CADM2: variants seen among roughly 807,000 people sequenced by gnomAD.
The protein encoded by CADM2 is immunoglobulin superfamily member 4D.
A neutral mutation model predicts 49.8 loss-of-function variants in CADM2; 12 were observed. The ratio of observed to expected loss-of-function variants is 0.24; its 90% CI spans 0.15 to 0.39. The LOEUF (loss-of-function observed/expected upper bound fraction) is 0.39. Among genes scored for constraint, CADM2 ranks in the 10% least tolerant of loss-of-function variants. CADM2 has a pLI of 1.00. For synonymous variants in CADM2, 214 were observed against 175.4 expected, an observed-to-expected ratio of 1.22 and a Z score of -1.74; for missense variants, 378 against 492.3, an observed-to-expected ratio of 0.77 and a Z score of 2.20.
intron 1 of CADM2, among the ~76,000 whole-genome samples, chr3:85,383,612 C>A (rs2034039088): frequency 6.7e-6 from 1 of 148,346 alleles, no homozygotes; most frequent in African/African-American, 2.5e-5. Context: ...ATTCAATTAT[C>A]CTCATTTTTC....
In CADM2 at chr3:85,040,121, C is replaced by T. The variant is rs6549010; in HGVS notation, c.61+80453C>T. ...ATAAACCTAAAAGGAAGAGAACACT[C>T]TGTGCAAAGATTTTGAAAAATATGA... On this transcript the variant is annotated intron_variant, in intron 1 of 9. Transcript: ENST00000383699. Among the ~76,000 whole-genome samples, 689 of 152,230 alleles carry T rather than the reference C, an allele frequency of 4.5e-3. 4 individuals carry two copies. Among genetic ancestry groups the T allele is most frequent in the African/African-American group, 0.016 (663 of 41,544 alleles).
intron 1 of CADM2, among the ~76,000 whole-genome samples, chr3:85,123,229 T>A (rs2038924032): frequency 6.6e-6 from 1 of 152,118 alleles, no homozygotes; most frequent in East Asian, 1.9e-4. Context: ...GTCAACAACT[T>A]CATAGTGACA....
intron 8 of CADM2, among the ~76,000 whole-genome samples, chr3:86,024,582 A>G (rs886770668): frequency 1.3e-5 from 2 of 152,230 alleles, no homozygotes; most frequent in African/African-American, 2.4e-5. Flanking sequence ...TGCCATTAAT[A>G]CATTGAATCC....
At chr3:85,505,553 G>A (rs980355539) in intron 1 of CADM2, among the ~76,000 whole-genome samples, 1 of 152,134 alleles carries the variant, frequency 6.6e-6, no homozygotes, top group African/African-American at 2.4e-5. Context: ...CCAAACACTT[G>A]GTGTGGGATA....
chr3:85,613,035 T>C (rs1034256524), intron 1 of CADM2, among the ~76,000 whole-genome samples: 1 of 151,768 alleles, frequency 6.6e-6, no homozygotes, highest in Admixed American at 6.6e-5. Context: ...AGGTTGGTTG[T>C]GGCTTAATGA....
intron 1 of CADM2, among the ~76,000 whole-genome samples, chr3:85,714,340 C>CTACT (rs2067213210): frequency 6.6e-6 from 1 of 152,172 alleles, no homozygotes; most frequent in Admixed American, 6.5e-5. Context: ...ACATCACTCT[C>CTACT]TACTTAGTAA....
rs140812246 is a variant in CADM2 at position 86,041,460 on chromosome 3, C to T, written c.971-24145C>T. On this transcript the variant is annotated intron_variant, in intron 8 of 9. Transcript: ENST00000383699. ...GTCTCTGATAAAACAGACTTTAAAC[C>T]GACAAAGATCAAAAGAGACAAAGAA... Among the ~76,000 whole-genome samples, 1,106 of 152,094 alleles carry T rather than the reference C, an allele frequency of 7.3e-3. 11 individuals carry two copies. The highest frequency in any genetic ancestry group is 0.025 in the African/African-American group (1,042 of 41,464).
chr3:85,358,203 C>T (rs1004677331), intron 1 of CADM2, among the ~76,000 whole-genome samples: 3 of 152,076 alleles, frequency 2.0e-5, no homozygotes, highest in Admixed American at 6.6e-5. Context: ...TCTTGTCCCC[C>T]AGTTGTCACA....
intron 1 of CADM2, 27 bp from the exon 2 acceptor site, chr3:85,726,495 T>C (rs1229527654): frequency 1.2e-6 from 2 of 1,611,834 alleles, no homozygotes; most frequent in Non-Finnish European, 1.7e-6. Context: ...TTTGTTCTCT[T>C]CTTGTGCAAC....
chr3:85,162,305 G>A lies in CADM2; in HGVS notation c.61+202637G>A, dbSNP rs374095371. On this transcript the variant is annotated intron_variant, in intron 1 of 9. Coordinates refer to ENST00000383699, the MANE Select transcript of CADM2 (RefSeq NM_001167675.2). ...AAAATATATATGCCATAACACTTGA[G>A]TTAGGAAAATAATACTAATTACCGG... is the stretch of plus-strand genomic sequence containing the variant. 5.6e-3 allele frequency among the ~76,000 whole-genome samples: 847 copies of A among 152,230 alleles called. 3 individuals are homozygous for A. The highest frequency in any genetic ancestry group is 9.7e-3 in the Non-Finnish European group (659 of 68,006).
At chr3:84,970,340 A>G (rs1458906102) in intron 1 of CADM2, among the ~76,000 whole-genome samples, 3 of 151,520 alleles carry the variant, frequency 2.0e-5, no homozygotes, top group African/African-American at 7.3e-5. Flanking sequence ...TAAAGAAAAT[A>G]TAAGTACAGT....
chr3:85,063,060 A>G (rs2036393919), intron 1 of CADM2, among the ~76,000 whole-genome samples: 1 of 152,114 alleles, frequency 6.6e-6, no homozygotes, highest in African/African-American at 2.4e-5. Context: ...TGGATTCACA[A>G]TATAAACTAA....
At chr3:85,845,019 T>C (rs2074811094) in intron 3 of CADM2, among the ~76,000 whole-genome samples, 1 of 150,896 alleles carries the variant, frequency 6.6e-6, no homozygotes, top group Non-Finnish European at 1.5e-5. Context: ...GCCAGGCACG[T>C]TGGTATGCAC....
chr3:85,603,768 T>A (rs760438803), intron 1 of CADM2, among the ~76,000 whole-genome samples: 1 of 151,948 alleles, frequency 6.6e-6, no homozygotes, highest in African/African-American at 2.4e-5. Flanking sequence ...CTGCATATTT[T>A]AAAATTCCAA....
At chr3:85,505,078 C>T (rs1233143162) in intron 1 of CADM2, among the ~76,000 whole-genome samples, 1 of 152,136 alleles carries the variant, frequency 6.6e-6, no homozygotes, top group Non-Finnish European at 1.5e-5. Flanking sequence ...TCCCTGCAAG[C>T]TGAGGGAGCC....
At chr3:85,342,414 T>C (rs2029964659) in intron 1 of CADM2, among the ~76,000 whole-genome samples, 2 of 152,110 alleles carry the variant, frequency 1.3e-5, no homozygotes, top group African/African-American at 4.8e-5. Context: ...ATTACTTCAT[T>C]TGTTAAAATG....
intron 1 of CADM2, among the ~76,000 whole-genome samples, chr3:85,006,551 A>T (rs1318509892): frequency 2.6e-5 from 4 of 152,166 alleles, no homozygotes; most frequent in African/African-American, 9.6e-5. Context: ...TCTTATACCT[A>T]GGTCTCTGGC....
At chr3:85,015,328 C>T (rs187363634) in intron 1 of CADM2, among the ~76,000 whole-genome samples, 13 of 152,134 alleles carry the variant, frequency 8.5e-5, no homozygotes, top group Non-Finnish European at 1.6e-4. Context: ...AATTTTACTT[C>T]CTTATTTTTT....
intron 1 of CADM2, among the ~76,000 whole-genome samples, chr3:85,280,068 G>A (rs2106883863): frequency 6.6e-6 from 1 of 151,308 alleles, no homozygotes; most frequent in South Asian, 2.1e-4. Flanking sequence ...TGCTTTTGTT[G>A]CCTATTCTTT....
Sources: allele counts gnomAD v4.1 joint callset (sites outside exome capture counted in the v4.1 genomes callset), GRCh38; gene constraint gnomAD v4.1.1; transcripts MANE v1.5; gene names NCBI Gene and HGNC (gene_info 2026-07-23, HGNC 2026-07-21).